IL7R: variants seen among roughly 807,000 people sequenced by gnomAD.
IL7R encodes the protein interleukin-7 receptor subunit alpha.
A neutral mutation model predicts 47.0 loss-of-function variants in IL7R; 38 were observed. That is an observed-to-expected ratio of 0.81 (90% CI 0.62 to 1.06). IL7R has a LOEUF of 1.06. Ranked by LOEUF, IL7R falls within the 50% of genes least tolerant of loss-of-function variation. IL7R has a pLI of 0.00. For synonymous variants in IL7R, 221 were observed against 199.8 expected, an observed-to-expected ratio of 1.11 and a Z score of -0.89; for missense variants, 633 against 534.8, an observed-to-expected ratio of 1.18 and a Z score of -1.81.
chr5:35,874,672 C>A, intron 6 of IL7R, 130 bp downstream of exon 6: 2 of 756,116 alleles, frequency 2.6e-6, no homozygotes, highest in African/African-American at 1.7e-5. Flanking sequence ...CCCAGTATCC[C>A]TATCTATCCT....
intron 3 of IL7R, among the ~76,000 whole-genome samples, chr5:35,869,965 A>G (rs1390814135): frequency 6.6e-6 from 1 of 152,230 alleles, no homozygotes; most frequent in African/African-American, 2.4e-5. Flanking sequence ...AACAAGAGCT[A>G]GGCCAAACTC....
At position 35,873,527 on chromosome 5, in the gene IL7R, CCAACCGGCAG is replaced by C. The variant is rs1471668405; in HGVS notation, c.589_598del (p.Pro197CysfsTer44). ...AGCTGACACTCCTGCAGAGAAAGCT[CCAACCGGCAG>C]CAATGTATGAGATTAAAGTTCGATC... On this transcript the variant is annotated frameshift_variant, in exon 5 of 8. Transcript: ENST00000303115. LOFTEE classifies it high-confidence loss of function. The C allele has an allele frequency of 5.0e-6, 8 of 1,613,910 alleles. No individual in the cohort carries two copies. The highest frequency in any genetic ancestry group is 6.8e-6 in the Non-Finnish European group (8 of 1,179,924).
rs1029985518 is a variant in IL7R at position 35,878,803 on chromosome 5, C to G, written c.*2317C>G. The G allele has an allele frequency of 1.7e-5, 4 of 232,906 alleles. No homozygotes were observed. The highest frequency in any genetic ancestry group is 3.4e-5 in the Non-Finnish European group (4 of 117,928). The allele number at this position is 232,906 out of a possible 1,614,324, so 14.4% of individuals were successfully genotyped here. A position where few individuals can be genotyped will look rare whatever the true frequency, so the allele number is the denominator to read the frequency against. The stretch of plus-strand genomic sequence containing the variant: ...AACTGGGAGCCATAATTTTGTATCC[C>G]TGGTATAAATAGACAATCTCTTGAA... On this transcript the variant is annotated 3_prime_UTR_variant, in exon 8 of 8. Coordinates refer to ENST00000303115, the MANE Select transcript of IL7R (RefSeq NM_002185.5).
intron 2 of IL7R, among the ~76,000 whole-genome samples, chr5:35,865,355 A>G (rs1390151036): frequency 6.6e-6 from 1 of 152,114 alleles, no homozygotes; most frequent in East Asian, 1.9e-4. Context: ...AATCCAGTCT[A>G]TCATTGATGG....
chr5:35,867,365 T>A lies in IL7R; in HGVS notation c.281T>A (p.Ile94Asn), dbSNP rs1319193412. The change falls in exon 3 of 8, where the codon ATC becomes AAC. Residue 94 changes from isoleucine to asparagine, a missense_variant. Coordinates refer to ENST00000303115, the MANE Select transcript of IL7R (RefSeq NM_002185.5). The stretch of plus-strand genomic sequence containing the variant: ...AGGAAACTACAAGAGATATATTTCA[T>A]CGAGACAAAGAAATTCTTACTGATT... ...NFRKLQEIYF[I>N]ETKKFLLIGK... 6.2e-7 allele frequency: 1 copy of A among 1,613,664 alleles called. No homozygotes were observed. The highest frequency in any genetic ancestry group is 8.5e-7 in the Non-Finnish European group (1 of 1,179,624).
Position 35,873,622 on chromosome 5 carries a change from G to A in IL7R, c.680G>A (p.Arg227Lys), listed in dbSNP as rs148165103. The stretch of plus-strand genomic sequence containing the variant: ...GAATGGAGTCCAAGTTATTACTTCA[G>A]AACTCCAGAGATCAATAATAGCTCA... The part of the protein sequence containing the change: ...WSEWSPSYYF[R>K]TPEINNSSGE... Residue 227 changes from arginine to lysine, a missense_variant, in exon 5 of 8, where the codon AGA becomes AAA. Arg to Lys is a conservative substitution (Grantham distance 26). Transcript: ENST00000303115. 1 of 1,614,030 alleles carries A rather than the reference G, an allele frequency of 6.2e-7. No homozygotes were observed. The highest frequency in any genetic ancestry group is 8.5e-7 in the Non-Finnish European group (1 of 1,179,912).
rs758988107 is a variant in IL7R, at chr5:35,876,521, G to A, written c.*35G>A. 3.6e-5 allele frequency: 58 copies of A among 1,598,044 alleles called. No individual in the cohort carries two copies. The highest frequency in any genetic ancestry group is 4.4e-5 in the South Asian group (4 of 90,962). On this transcript the variant is annotated 3_prime_UTR_variant, in exon 8 of 8. Transcript: ENST00000303115. ...AACCCAGACTGAACTTACCGTGAGCGACAAAGATGATTTAAAAGGGAAGTC... is the reference window on the plus strand; with the variant it reads ...AACCCAGACTGAACTTACCGTGAGCAACAAAGATGATTTAAAAGGGAAGTC...
rs186936818 is a variant in IL7R, at chr5:35,863,508, C to A, written c.221+2518C>A. Among the ~76,000 whole-genome samples the A allele has an allele frequency of 2.6e-5, 4 of 152,280 alleles. No individual in the cohort carries two copies. The East Asian group carries it at 5.8e-4, about 22-fold the overall frequency. ...CATCCAGTTCACCAAGGGAAGCCAA[C>A]ACACATTGTGGGTTGTAGGTAGTAA... On this transcript the variant is annotated intron_variant, in intron 2 of 7. Coordinates refer to ENST00000303115, the MANE Select transcript of IL7R (RefSeq NM_002185.5).
Position 35,876,478 on chromosome 5 carries a change from A to T in IL7R, c.1372A>T (p.Asn458Tyr), listed in dbSNP as rs1377872765. The T allele has an allele frequency of 6.2e-7, 1 of 1,602,298 alleles. No individual in the cohort carries two copies. The highest frequency in any genetic ancestry group is 8.5e-7 in the Non-Finnish European group (1 of 1,179,948). The stretch of plus-strand genomic sequence containing the variant: ...TGTCACCATGTCCAGCTTCTACCAA[A>T]ACCAGTGAAGTGTAAGAAACCCAGA... Reference protein sequence around the residue: ...AYVTMSSFYQNQ With the variant: ...AYVTMSSFYQYQ Residue 458 changes from asparagine (N) to tyrosine (Y), a missense_variant, in exon 8 of 8, where the codon AAC becomes TAC. Physicochemically the swap from Asn to Tyr is moderately radical, Grantham distance 143 (BLOSUM62 -2). Transcript: ENST00000303115.
In IL7R at chr5:35,876,658, G is replaced by A; in HGVS notation, c.*172G>A. 3 of 712,160 alleles carry A rather than the reference G, an allele frequency of 4.2e-6. No homozygotes were observed. The highest frequency in any genetic ancestry group is 4.9e-6 in the Non-Finnish European group (2 of 412,300). 44.1% of individuals were successfully genotyped at this position (712,160 alleles called of 1,614,324 possible). On this transcript the variant is annotated 3_prime_UTR_variant, in exon 8 of 8. Transcript: ENST00000303115. Reference sequence around the variant, plus strand: ...TTGACCACTCTTCCTGAGTTCAGTGGCACTCAACATGAGTCAAGAGCATCC... The same window carrying A: ...TTGACCACTCTTCCTGAGTTCAGTGACACTCAACATGAGTCAAGAGCATCC...
chr5:35,869,300 T>G (rs924465641), intron 3 of IL7R, among the ~76,000 whole-genome samples: 1 of 152,172 alleles, frequency 6.6e-6, no homozygotes, highest in East Asian at 1.9e-4. Flanking sequence ...TTGATATGAT[T>G]ATTCAGATTG....
intron 3 of IL7R, among the ~76,000 whole-genome samples, chr5:35,869,414 C>T (rs142071339): frequency 8.3e-4 from 126 of 152,188 alleles, no homozygotes; most frequent in African/African-American, 2.8e-3. Flanking sequence ...CCAGAGGGCA[C>T]GAGGACCAGC....
Position 35,866,072 on chromosome 5 carries a change from G to C in IL7R, c.222-1234G>C, listed in dbSNP as rs79589452. ...AGGCTTTTGTAAATGCTCTTTATCA[G>C]ATTGAGGAAGTGTCTTTCTATTTCT... is the stretch of plus-strand genomic sequence containing the variant. On this transcript the variant is annotated intron_variant, in intron 2 of 7. Coordinates refer to ENST00000303115, the MANE Select transcript of IL7R (RefSeq NM_002185.5). Among the ~76,000 whole-genome samples the C allele has an allele frequency of 6.7e-3, 1,016 of 152,194 alleles. 7 individuals carry two copies. The highest frequency in any genetic ancestry group is 0.011 in the Admixed American group (161 of 15,268).
chr5:35,873,287 C>T, intron 4 of IL7R, 193 bp from the exon 5 acceptor site: 4 of 632,674 alleles, frequency 6.3e-6, no homozygotes, highest in South Asian at 5.4e-5. Flanking sequence ...TCACAACATC[C>T]TTTATAAGCT....
At chr5:35,871,850 T>G (rs965962621) in intron 4 of IL7R, among the ~76,000 whole-genome samples, 4 of 152,160 alleles carry the variant, frequency 2.6e-5, no homozygotes, top group African/African-American at 9.7e-5. Flanking sequence ...GAGATTTCTC[T>G]TAACCCACCA....
intron 2 of IL7R, among the ~76,000 whole-genome samples, chr5:35,864,932 G>T (rs138823560): frequency 7.6e-4 from 115 of 151,908 alleles, no homozygotes; most frequent in African/African-American, 2.6e-3. Flanking sequence ...TCTTTTAAAT[G>T]TTCTACAGTT....
At chr5:35,874,622 A>C in intron 6 of IL7R, 80 bp downstream of exon 6, 1 of 1,075,282 alleles carries the variant, frequency 9.3e-7, no homozygotes, top group Middle Eastern at 2.0e-4. Context: ...TATTGATGAG[A>C]AAACCACAAA....
At chr5:35,874,303 G>T in intron 5 of IL7R, 146 bp from the exon 6 acceptor site, 4 of 728,142 alleles carry the variant, frequency 5.5e-6, no homozygotes, top group South Asian at 4.4e-5. Context: ...CCTCCATAAA[G>T]CTGTCAAATA....
Position 35,863,976 on chromosome 5 carries a change from A to G in IL7R, c.221+2986A>G, listed in dbSNP as rs553522995. Among the ~76,000 whole-genome samples, 4 of 152,300 alleles carry G rather than the reference A, an allele frequency of 2.6e-5. No homozygotes were observed. The South Asian group carries it at 8.3e-4, about 32-fold the overall frequency. ...GGAGAAATGTCTATGACCTGTAGCCATTCCAATGGTAAAGATATAGAACTT... is the reference window on the plus strand; with the variant it reads ...GGAGAAATGTCTATGACCTGTAGCCGTTCCAATGGTAAAGATATAGAACTT... On this transcript the variant is annotated intron_variant, in intron 2 of 7. Transcript: ENST00000303115.
Sources: gnomAD v4.1 joint callset for allele counts (sites outside exome capture counted in the v4.1 genomes callset) on GRCh38, gnomAD v4.1.1 for gene constraint, MANE v1.5 for transcripts, NCBI Gene and HGNC (gene_info 2026-07-23, HGNC 2026-07-21) for gene names.